SOCS7: variants seen among roughly 807,000 people sequenced by gnomAD.
SOCS7 encodes suppressor of cytokine signaling 7.
Under a neutral mutation model 58.9 loss-of-function variants are expected in SOCS7, and 18 were observed. The ratio of observed to expected loss-of-function variants is 0.31; its 90% CI spans 0.21 to 0.45. The LOEUF is 0.45. Among genes scored for constraint, SOCS7 ranks in the 20% least tolerant of loss-of-function variants. SOCS7 has a pLI of 1.00. For missense variants in SOCS7, 667 were observed against 837.3 expected (o/e 0.80, Z 2.51); for synonymous variants, 388 against 364.3 (o/e 1.06, Z -0.74).
chr17:38,358,585 T>TG (rs1474521624), intron 1 of SOCS7, among the ~76,000 whole-genome samples: 4 of 146,876 alleles, frequency 2.7e-5, no homozygotes, highest in Admixed American at 6.8e-5. Context: ...TTGTTGTTGT[T>TG]TTTTTTTTTT....
At chr17:38,368,803 A>G (rs960118148) in intron 6 of SOCS7, among the ~76,000 whole-genome samples, 1 of 152,122 alleles carries the variant, frequency 6.6e-6, no homozygotes, top group African/African-American at 2.4e-5. Flanking sequence ...TCTTTGTCTG[A>G]TAGTCACTTT....
rs1177791131 is a variant in SOCS7, at chr17:38,399,074, C to T, written c.*31-439C>T. ...TTGCACTCCAGCCTGGGTGACAGAGCGAGACTCCGTCTCAAAAAAAAAAAA... is the reference window on the plus strand; with the variant it reads ...TTGCACTCCAGCCTGGGTGACAGAGTGAGACTCCGTCTCAAAAAAAAAAAA... On this transcript the variant is annotated intron_variant, in intron 9 of 9. Coordinates refer to ENST00000612932, the MANE Select transcript of SOCS7 (RefSeq NM_014598.4). 5.0e-5 allele frequency among the ~76,000 whole-genome samples: 7 copies of T among 140,546 alleles called. 1 individual carries two copies. In the South Asian group the frequency reaches 6.6e-4, roughly 13 times the overall value. 92.2% of individuals were successfully genotyped at this position (140,546 alleles called of 152,430 possible).
intron 7 of SOCS7, among the ~76,000 whole-genome samples, chr17:38,381,972 AAAC>A (rs1328252883): frequency 0.075 from 9,716 of 129,988 alleles, 773 homozygotes; most frequent in African/African-American, 0.15. Flanking sequence ...AAAAAAAAAA[AAAC>A]CTAAAAAAAC....
intron 7 of SOCS7, among the ~76,000 whole-genome samples, chr17:38,394,265 C>T (rs1264610083): frequency 6.6e-6 from 1 of 152,156 alleles, no homozygotes; most frequent in Admixed American, 6.5e-5. Context: ...GGCGGGTTTG[C>T]ACTGAGCGGT....
Position 38,352,683 on chromosome 17 carries a change from G to A in SOCS7, c.631G>A (p.Gly211Ser). The A allele has an allele frequency of 6.5e-7, 1 of 1,549,938 alleles. No individual in the cohort carries two copies. The highest frequency in any genetic ancestry group is 2.0e-5 in the Admixed American group (1 of 51,004). The change falls in exon 1 of 10, where the codon GGC (glycine) becomes AGC (serine). Residue 211 changes from glycine to serine, a missense_variant. Gly to Ser is a moderately conservative substitution (Grantham distance 56). This residue lies in a region of SOCS7 where 208 missense variants were observed against 190.3 expected (regional missense o/e 1.09). Transcript: ENST00000612932. The surrounding 1 kb of genome is among the most constrained non-coding windows in gnomAD (Gnocchi z 5.5). ...LSSPGRGGGG[G>S]GRLLLQPPGP... is the part of the protein sequence containing the mutation. ...CAGCCCGGGTCGCGGAGGAGGAGGG[G>A]GCGGCCGGCTTCTGCTGCAGCCCCC...
intron 1 of SOCS7, among the ~76,000 whole-genome samples, chr17:38,360,928 T>C (rs2037710670): frequency 6.6e-6 from 1 of 152,242 alleles, no homozygotes; most frequent in Non-Finnish European, 1.5e-5. Context: ...GTAATGTCTT[T>C]GTTGGAGTCT....
At chr17:38,387,617 T>A (rs1659220399) in intron 7 of SOCS7, among the ~76,000 whole-genome samples, 1 of 89,578 alleles carries the variant, frequency 1.1e-5, no homozygotes, top group African/African-American at 8.1e-5. Context: ...TATTGTATAT[T>A]ATATATACAA....
Position 38,389,863 on chromosome 17 carries a change from G to GTGTGTATATATATA in SOCS7, c.1682-5443_1682-5442insGTATATATATATGT, listed in dbSNP as rs1555571058. On this transcript the variant is annotated intron_variant, in intron 7 of 9. Coordinates refer to ENST00000612932, the MANE Select transcript of SOCS7 (RefSeq NM_014598.4). The stretch of plus-strand genomic sequence containing the variant: ...TAATTTTTTTGTTTGGTGTGTATGT[G>GTGTGTATATATATA]TGTACATATATATATATATGTACAT... 6.7e-4 allele frequency among the ~76,000 whole-genome samples: 15 copies of GTGTGTATATATATA among 22,334 alleles called. 1 individual carries two copies. The highest frequency in any genetic ancestry group is 2.4e-3 in the African/African-American group (15 of 6,272). The allele number at this position is 22,334 out of a possible 152,430, so 14.7% of individuals were successfully genotyped here.
chr17:38,400,922 G>C lies in SOCS7; in HGVS notation c.*1440G>C, dbSNP rs1431617913. On this transcript the variant is annotated 3_prime_UTR_variant, in exon 10 of 10. Coordinates refer to ENST00000612932, the MANE Select transcript of SOCS7 (RefSeq NM_014598.4). ...GCTATTGAGATGTAACAGTGGAGCT[G>C]TTGGGTCTTCATGACTCCTTTGCGT... The C allele has an allele frequency of 6.6e-6, 1 of 152,252 alleles. No homozygotes were observed. Among genetic ancestry groups the C allele is most frequent in the African/African-American group, 2.4e-5 (1 of 41,466 alleles). 9.4% of individuals were successfully genotyped at this position (152,252 alleles called of 1,614,324 possible). A position where few individuals can be genotyped will look rare whatever the true frequency, so the allele number is the denominator to read the frequency against.
chr17:38,399,278 A>G (rs2038288496), intron 9 of SOCS7, among the ~76,000 whole-genome samples: 1 of 152,032 alleles, frequency 6.6e-6, no homozygotes, highest in Non-Finnish European at 1.5e-5. Context: ...GGATGTATTT[A>G]TTAGTTATTT....
intron 6 of SOCS7, among the ~76,000 whole-genome samples, chr17:38,377,491 TAAC>T (rs1219905080): frequency 6.6e-6 from 1 of 152,182 alleles, no homozygotes; most frequent in East Asian, 1.9e-4. Context: ...TGTATTTACT[TAAC>T]AAAAACCTTG....
chr17:38,385,486 G>T lies in SOCS7; in HGVS notation c.1681+7644G>T, dbSNP rs540757359. ...AAATAGAAAACCACAAAAATCATAT[G>T]CATGGTTTAATATTATTATAAGGTG... On this transcript the variant is annotated intron_variant, in intron 7 of 9. Transcript: ENST00000612932. Among the ~76,000 whole-genome samples the T allele has an allele frequency of 4.1e-5, 6 of 147,546 alleles. No homozygotes were observed. The South Asian group carries it at 6.4e-4, about 16-fold the overall frequency.
chr17:38,386,515 G>C (rs985170469), intron 7 of SOCS7, among the ~76,000 whole-genome samples: 3 of 151,832 alleles, frequency 2.0e-5, no homozygotes, highest in African/African-American at 7.3e-5. Flanking sequence ...TATATAGGTA[G>C]TATTTGGCAT....
In SOCS7 at chr17:38,361,761, G is replaced by A. The variant is rs1440153964; in HGVS notation, c.1031G>A (p.Ser344Asn). 9 of 1,612,512 alleles carry A rather than the reference G, an allele frequency of 5.6e-6. No homozygotes were observed. The highest frequency in any genetic ancestry group is 1.3e-5 in the African/African-American group (1 of 74,872). The stretch of plus-strand genomic sequence containing the variant: ...AGTGCCTTTTCTCCGGTCTCCTTCA[G>A]CCCCCTGTTCACAGGTAAGGGTAAT... Reference protein sequence around the residue: ...TQSAFSPVSFSPLFTGETVSL... With the variant: ...TQSAFSPVSFNPLFTGETVSL... Residue 344 changes from serine (S) to asparagine (N), a missense_variant, in exon 2 of 10, where the codon AGC (serine) becomes AAC (asparagine). By Grantham distance (46) the Ser-to-Asn change is conservative. Around this residue, in one of 9 missense-constraint regions of SOCS7, gnomAD observed 16 missense variants for 32.7 expected, o/e 0.49. Coordinates refer to ENST00000612932, the MANE Select transcript of SOCS7 (RefSeq NM_014598.4).
chr17:38,385,489 T>C (rs750496392), intron 7 of SOCS7, among the ~76,000 whole-genome samples: 1 of 151,460 alleles, frequency 6.6e-6, no homozygotes, highest in Non-Finnish European at 1.5e-5. Context: ...ATCATATGCA[T>C]GGTTTAATAT....
chr17:38,386,595 G>A (rs2038071050), intron 7 of SOCS7, among the ~76,000 whole-genome samples: 1 of 152,082 alleles, frequency 6.6e-6, no homozygotes, highest in African/African-American at 2.4e-5. Context: ...ATTGGGAGTT[G>A]CAAAATGATG....
intron 6 of SOCS7, among the ~76,000 whole-genome samples, chr17:38,375,621 G>A (rs1292950222): frequency 6.6e-6 from 1 of 152,092 alleles, no homozygotes; most frequent in South Asian, 2.1e-4. Flanking sequence ...AAAGTTTTGG[G>A]GGAGTCAAAT....
intron 1 of SOCS7, among the ~76,000 whole-genome samples, chr17:38,357,182 C>T (rs2037651830): frequency 6.6e-6 from 1 of 152,134 alleles, no homozygotes; most frequent in Non-Finnish European, 1.5e-5. Flanking sequence ...CGTGGACAGG[C>T]CTGGCAGACG....
intron 6 of SOCS7, among the ~76,000 whole-genome samples, chr17:38,377,119 G>A (rs919061567): frequency 2.6e-5 from 4 of 152,162 alleles, no homozygotes; most frequent in Admixed American, 2.6e-4. Context: ...CTGTCATTAA[G>A]TAATGCATGA....
Sources: allele counts gnomAD v4.1 joint callset (sites outside exome capture counted in the v4.1 genomes callset), GRCh38; gene constraint gnomAD v4.1.1; regional missense constraint gnomAD v4.1.1; non-coding constraint Gnocchi (gnomAD v3.1); transcripts MANE v1.5; gene names NCBI Gene and HGNC (gene_info 2026-07-23, HGNC 2026-07-21).